S100PBP: variants seen among roughly 807,000 people sequenced by gnomAD.
S100PBP encodes S100P binding protein.
S100PBP carries 15 observed loss-of-function variants against 39.9 expected under a neutral mutation model. The ratio of observed to expected loss-of-function variants is 0.38; its 90% CI spans 0.25 to 0.58. S100PBP has a LOEUF of 0.58. Ranked by LOEUF, S100PBP falls within the 20% of genes least tolerant of loss-of-function variation. S100PBP has a pLI of 0.70. For missense variants in S100PBP, 504 were observed against 487.3 expected, an observed-to-expected ratio of 1.03 and a Z score of -0.32; for synonymous variants, 178 against 180.3, an observed-to-expected ratio of 0.99 and a Z score of 0.10.
chr1:32,848,089 A>C (rs757582689), intron 5 of S100PBP, among the ~76,000 whole-genome samples: 1 of 152,136 alleles, frequency 6.6e-6, no homozygotes, highest in Non-Finnish European at 1.5e-5. Context: ...TGGGTGGATC[A>C]TGAAGTCAGG....
intron 1 of S100PBP, among the ~76,000 whole-genome samples, chr1:32,823,540 A>G (rs929670910): frequency 6.6e-6 from 1 of 152,226 alleles, no homozygotes; most frequent in Admixed American, 6.5e-5. Context: ...TGAGAGGCTA[A>G]GTTAGAGTCG....
chr1:32,824,979 C>T (rs1391116079), intron 1 of S100PBP: 2 of 151,960 alleles, frequency 1.3e-5, no homozygotes, highest in African/African-American at 4.8e-5. Context: ...AAGTGGCATA[C>T]CCAAGTTATT....
At chr1:32,825,235 A>C (rs1330246911) in intron 1 of S100PBP, 78 bp from the exon 2 acceptor site, 2 of 152,238 alleles carry the variant, frequency 1.3e-5, no homozygotes, top group Non-Finnish European at 2.9e-5. Context: ...GAGCACCTTA[A>C]AGCATAATAC....
Position 32,857,601 on chromosome 1 carries a change from G to C in S100PBP, c.*1563G>C, listed in dbSNP as rs1640873189. On this transcript the variant is annotated 3_prime_UTR_variant, in exon 7 of 7. Coordinates refer to ENST00000373475, the MANE Select transcript of S100PBP (RefSeq NM_022753.4). ...GCTGGGATTACAGGCATGAGCCACTGCACCTGGCCGGTTATTCTCTCTTTA... is the reference window on the plus strand; with the variant it reads ...GCTGGGATTACAGGCATGAGCCACTCCACCTGGCCGGTTATTCTCTCTTTA... The C allele has an allele frequency of 6.6e-6, 1 of 152,356 alleles. No individual in the cohort carries two copies. Among genetic ancestry groups the C allele is most frequent in the African/African-American group, 2.4e-5 (1 of 41,456 alleles). 9.4% of individuals were successfully genotyped at this position (152,356 alleles called of 1,614,324 possible).
chr1:32,829,844 A>G (rs1639513809), intron 4 of S100PBP, 120 bp from the exon 5 acceptor site: 1 of 675,964 alleles, frequency 1.5e-6, no homozygotes, highest in South Asian at 1.8e-5. Flanking sequence ...GATCATAAAG[A>G]TAATTTTGCC....
chr1:32,855,806 A>G, intron 6 of S100PBP, 118 bp from the exon 7 acceptor site: 2 of 587,700 alleles, frequency 3.4e-6, no homozygotes, highest in Non-Finnish European at 3.0e-6. Context: ...TATAAAATTA[A>G]TATCTGATTT....
At chr1:32,831,151 G>T (rs1047481650) in intron 5 of S100PBP, among the ~76,000 whole-genome samples, 3 of 152,004 alleles carry the variant, frequency 2.0e-5, no homozygotes, top group Admixed American at 2.0e-4. Context: ...TATTTCAGTC[G>T]TGGTAGTTTT....
chr1:32,824,632 T>G (rs1013113873), intron 1 of S100PBP, among the ~76,000 whole-genome samples: 1 of 151,398 alleles, frequency 6.6e-6, no homozygotes, highest in Non-Finnish European at 1.5e-5. Flanking sequence ...ATATGATGAC[T>G]GCTCTCTGCA....
chr1:32,853,199 G>A (rs1569958622), intron 6 of S100PBP, 33 bp downstream of exon 6: 1 of 1,531,992 alleles, frequency 6.5e-7, no homozygotes, highest in Non-Finnish European at 9.0e-7. Flanking sequence ...ATGGAAAAGG[G>A]TAGAATGGCT....
intron 1 of S100PBP, among the ~76,000 whole-genome samples, chr1:32,819,886 A>G (rs576561287): frequency 1.3e-5 from 2 of 152,222 alleles, no homozygotes; most frequent in East Asian, 1.9e-4. Context: ...TTTTAGATGC[A>G]TGTTCTCATC....
Position 32,858,433 on chromosome 1 carries a change from AAAAAC to A in S100PBP, c.*2399_*2403del, listed in dbSNP as rs1266636396. ...GTTAACATGGTATTCTTTAAGAAGA[AAAAAC>A]AAAGCCAAAGAAAACTCATTATCTG... On this transcript the variant is annotated 3_prime_UTR_variant, in exon 7 of 7. Transcript: ENST00000373475. The A allele has an allele frequency of 2.6e-5, 4 of 152,670 alleles. No individual in the cohort carries two copies. The highest frequency in any genetic ancestry group is 9.6e-5 in the African/African-American group (4 of 41,456). 9.5% of individuals were successfully genotyped at this position (152,670 alleles called of 1,614,324 possible). A position where few individuals can be genotyped will look rare whatever the true frequency, so the allele number is the denominator to read the frequency against.
intron 1 of S100PBP, chr1:32,825,058 A>G (rs967731068): frequency 2.0e-5 from 3 of 152,078 alleles, no homozygotes; most frequent in Non-Finnish European, 2.9e-5. Flanking sequence ...TATTCATCCT[A>G]CTAAAGTAGA....
At chr1:32,848,994 G>A (rs1640498618) in intron 5 of S100PBP, among the ~76,000 whole-genome samples, 2 of 152,146 alleles carry the variant, frequency 1.3e-5, no homozygotes, top group South Asian at 4.1e-4. Context: ...AAATTCAAAT[G>A]TTCCCATTCT....
At chr1:32,817,336 A>G, upstream of S100PBP, 2 of 1,534,078 alleles carry the variant, frequency 1.3e-6, no homozygotes, top group Non-Finnish European at 1.8e-6. Context: ...CTGTCACGCG[A>G]GTCCAGCCAG....
chr1:32,842,938 C>T (rs756283046), intron 5 of S100PBP: 1 of 152,188 alleles, frequency 6.6e-6, no homozygotes, highest in African/African-American at 2.4e-5. Flanking sequence ...TTAAAGTCTT[C>T]TCTAATTTCC....
At chr1:32,836,536 G>A in intron 5 of S100PBP, 1 of 981,636 alleles carries the variant, frequency 1.0e-6, no homozygotes, top group Non-Finnish European at 1.2e-6. Context: ...TCACTGAAAA[G>A]CCAAGTAGTA....
At chr1:32,851,107 C>T (rs1044736282) in intron 5 of S100PBP, among the ~76,000 whole-genome samples, 1 of 152,152 alleles carries the variant, frequency 6.6e-6, no homozygotes, top group African/African-American at 2.4e-5. Context: ...CCCAGGGTCA[C>T]AGAGCTAATT....
chr1:32,823,362 G>A (rs1234126053), intron 1 of S100PBP, among the ~76,000 whole-genome samples: 2 of 152,138 alleles, frequency 1.3e-5, no homozygotes, highest in African/African-American at 2.4e-5. Flanking sequence ...GAATAACTCA[G>A]TCACTAATGC....
At chr1:32,827,678 A>T (rs1639392507) in intron 3 of S100PBP, among the ~76,000 whole-genome samples, 2 of 150,756 alleles carry the variant, frequency 1.3e-5, no homozygotes, top group African/African-American at 4.9e-5. Context: ...ACGGTGTTTC[A>T]CCATGTTGGC....
Sources: allele counts gnomAD v4.1 joint callset (sites outside exome capture counted in the v4.1 genomes callset), GRCh38; gene constraint gnomAD v4.1.1; transcripts MANE v1.5; gene names NCBI Gene and HGNC (gene_info 2026-07-23, HGNC 2026-07-21).